Variants in TBL1X observed in about 807,000 individuals in gnomAD.
TBL1X encodes F-box-like/WD repeat-containing protein TBL1X.
A neutral mutation model predicts 50.7 loss-of-function variants in TBL1X; 10 were observed. The ratio of observed to expected loss-of-function variants is 0.20; its 90% CI spans 0.12 to 0.33. TBL1X has a LOEUF of 0.33. TBL1X is among the 10% of genes least tolerant of loss of function. The probability of loss-of-function intolerance (pLI) is 1.00; values close to 1 mark genes in which losing one functional copy is unlikely to be tolerated. For synonymous variants in TBL1X, 190 were observed against 214.7 expected (o/e 0.88, Z 1.01); for missense variants, 340 against 504.4 (o/e 0.67, Z 3.12).
intron 3 of TBL1X, among the ~76,000 whole-genome samples, chrX:9,647,630 T>G: frequency 8.9e-6 from 1 of 112,182 alleles, no homozygotes; most frequent in African/African-American, 3.2e-5. Context: ...TTCTCAGAAC[T>G]CGAAGGCTGG....
In TBL1X at chrX:9,631,474, C is replaced by CA. The variant is rs752889976; in HGVS notation, c.-130-8798dup. ...TTGCGGCTTTTTTGTGACTATACTT[C>CA]ACAGTAAGCTTATTAGCAATAACTC... On this transcript the variant is annotated intron_variant, in intron 2 of 17. Coordinates refer to ENST00000645353, the MANE Select transcript of TBL1X (RefSeq NM_005647.4). Among the ~76,000 whole-genome samples the CA allele has an allele frequency of 8.9e-5, 10 of 112,437 alleles. No individual in the cohort carries two copies. The East Asian group carries it at 2.0e-3, about 22-fold the overall frequency.
chrX:9,464,525 G>A (rs1233398526), upstream of TBL1X, among the ~76,000 whole-genome samples: 1 of 111,354 alleles, frequency 9.0e-6, no homozygotes, highest in Non-Finnish European at 1.9e-5. Context: ...TCGGGCAGGT[G>A]GCAGGGGGTT....
intron 2 of TBL1X, among the ~76,000 whole-genome samples, chrX:9,510,936 A>G (rs1420754116): frequency 9.0e-6 from 1 of 111,438 alleles, no homozygotes; most frequent in Admixed American, 9.6e-5. Flanking sequence ...CTGTCCGTCC[A>G]TCCATCCATC....
chrX:9,631,661 C>T (rs982322361), intron 2 of TBL1X, among the ~76,000 whole-genome samples: 6 of 112,350 alleles, frequency 5.3e-5, no homozygotes, highest in Admixed American at 3.8e-4. Context: ...CTACATTTGC[C>T]GTATGTTTTA....
intron 2 of TBL1X, among the ~76,000 whole-genome samples, chrX:9,561,698 G>T (rs73186396): frequency 0.011 from 1,265 of 112,442 alleles, 11 homozygotes; most frequent in Non-Finnish European, 0.017. Context: ...GTTTGTGCAT[G>T]TGTATGCTTT....
At chrX:9,642,769 G>T (rs1402584310) in intron 3 of TBL1X, among the ~76,000 whole-genome samples, 1 of 112,681 alleles carries the variant, frequency 8.9e-6, no homozygotes, top group Non-Finnish European at 1.9e-5. Context: ...GGCAGCTGCT[G>T]TACTCTGCCA....
At chrX:9,691,791 C>T in intron 8 of TBL1X, 80 bp downstream of exon 8, 1 of 1,139,099 alleles carries the variant, frequency 8.8e-7, no homozygotes, top group East Asian at 3.0e-5. Flanking sequence ...TGGAGTTCTG[C>T]CTAAAGGAAC....
At chrX:9,467,429 T>G (rs1264725341) in intron 1 of TBL1X, among the ~76,000 whole-genome samples, 2 of 112,070 alleles carry the variant, frequency 1.8e-5, no homozygotes, top group Middle Eastern at 4.3e-3. Context: ...CAGCACAGCT[T>G]CTCTGCCCAG....
chrX:9,476,509 C>T (rs1390207428), intron 1 of TBL1X, among the ~76,000 whole-genome samples: 1 of 112,013 alleles, frequency 8.9e-6, no homozygotes, highest in Admixed American at 9.5e-5. Context: ...AGAGAATGAC[C>T]CTAAGTCGGC....
intron 2 of TBL1X, among the ~76,000 whole-genome samples, chrX:9,599,332 T>A (rs374997201): frequency 2.0e-4 from 22 of 112,188 alleles, no homozygotes; most frequent in African/African-American, 7.1e-4. Flanking sequence ...TATTTCCCAA[T>A]AAGAAGTTAC....
At chrX:9,715,608 G>A (rs772042709) in intron 17 of TBL1X, among the ~76,000 whole-genome samples, 87 of 112,204 alleles carry the variant, frequency 7.8e-4, no homozygotes, top group Admixed American at 2.7e-3. Flanking sequence ...TGTGCGGTGC[G>A]TTGTTGCTGG....
intron 13 of TBL1X, among the ~76,000 whole-genome samples, chrX:9,708,745 G>C (rs1405840099): frequency 9.3e-6 from 1 of 107,071 alleles, no homozygotes; most frequent in Non-Finnish European, 1.9e-5. Flanking sequence ...GTGCCTGCCT[G>C]TAGTCCCAGC....
chrX:9,698,151 A>AT (rs1281354370), intron 12 of TBL1X, among the ~76,000 whole-genome samples: 4 of 111,332 alleles, frequency 3.6e-5, no homozygotes, highest in African/African-American at 1.3e-4. Context: ...AAGGAGACCC[A>AT]TTTTGTGGCA....
chrX:9,633,178 G>T (rs1256011501), intron 2 of TBL1X, among the ~76,000 whole-genome samples: 1 of 111,792 alleles, frequency 8.9e-6, no homozygotes, highest in Non-Finnish European at 1.9e-5. Flanking sequence ...TATTTTTAAA[G>T]AACATTAAAG....
At chrX:9,660,403 T>C (rs763657728) in intron 5 of TBL1X, among the ~76,000 whole-genome samples, 12 of 112,498 alleles carry the variant, frequency 1.1e-4, no homozygotes, top group African/African-American at 3.6e-4. Context: ...ATGACGGCAG[T>C]AATTTTAAAC....
At chrX:9,681,531 A>G (rs2083025568) in intron 5 of TBL1X, among the ~76,000 whole-genome samples, 1 of 112,477 alleles carries the variant, frequency 8.9e-6, no homozygotes, top group African/African-American at 3.2e-5. Context: ...TAATGTGGTC[A>G]GAATCGGCTC....
At chrX:9,487,122 T>G (rs1165309838) in intron 1 of TBL1X, among the ~76,000 whole-genome samples, 1 of 111,832 alleles carries the variant, frequency 8.9e-6, no homozygotes, top group Non-Finnish European at 1.9e-5. Context: ...ATATCCTAGT[T>G]TCTTCTTCTC....
intron 6 of TBL1X, among the ~76,000 whole-genome samples, chrX:9,686,863 C>G: frequency 8.9e-6 from 1 of 112,708 alleles, no homozygotes; most frequent in African/African-American, 3.2e-5. Flanking sequence ...CCATTGTCCA[C>G]TCCATGGCCA....
At position 9,653,526 on chromosome X, in the gene TBL1X, T is replaced by C. The variant is rs2082847802; in HGVS notation, c.-42-19T>C. The C allele has an allele frequency of 5.0e-6, 5 of 1,002,192 alleles. No individual in the cohort carries two copies. Among genetic ancestry groups the C allele is most frequent in the Non-Finnish European group, 6.8e-6 (5 of 731,996 alleles). 82.6% of individuals were successfully genotyped at this position (1,002,192 alleles called of 1,213,427 possible). A position where few individuals can be genotyped will look rare whatever the true frequency, so the allele number is the denominator to read the frequency against. On this transcript the variant is annotated intron_variant, in intron 3 of 17. Transcript: ENST00000645353. ...TGACAGAGGTGCTCCCTGCCTTCTG[T>C]GTTCTGGTTTTCCACCAGGAGCCCT... is the stretch of plus-strand genomic sequence containing the variant.
Sources: gnomAD v4.1 joint callset for allele counts (sites outside exome capture counted in the v4.1 genomes callset) on GRCh38, gnomAD v4.1.1 for gene constraint, MANE v1.5 for transcripts, NCBI Gene and HGNC (gene_info 2026-07-23, HGNC 2026-07-21) for gene names.